Variants in PLSCR2 observed in about 807,000 individuals in gnomAD.
PLSCR2 encodes phospholipid scramblase 2, also known as PL scramblase 2.
PLSCR2 carries 18 observed loss-of-function variants against 25.3 expected under a neutral mutation model. That is an observed-to-expected ratio of 0.71 (90% CI 0.49 to 1.06). The LOEUF (loss-of-function observed/expected upper bound fraction) is 1.06, where lower values mean the gene tolerates loss of function less well. PLSCR2 is among the 50% of genes least tolerant of loss of function. The pLI, the probability that PLSCR2 is intolerant of heterozygous loss-of-function variation, is 0.00. For missense variants in PLSCR2, 243 were observed against 269.5 expected (o/e 0.90, Z 0.69); for synonymous variants, 88 against 87.3 (o/e 1.01, Z -0.04).
chr3:146,477,146 G>T (rs1026223544), intron 1 of PLSCR2, among the ~76,000 whole-genome samples: 1 of 152,184 alleles, frequency 6.6e-6, no homozygotes, highest in Non-Finnish European at 1.5e-5. Flanking sequence ...AACAGCTCTG[G>T]TCTGCAGCTC....
At chr3:146,468,910 A>G (rs1202523731) in intron 1 of PLSCR2, among the ~76,000 whole-genome samples, 1 of 152,230 alleles carries the variant, frequency 6.6e-6, no homozygotes, top group African/African-American at 2.4e-5. Flanking sequence ...GAGGCAATGG[A>G]AAGAACATAT....
intron 3 of PLSCR2, among the ~76,000 whole-genome samples, chr3:146,393,897 T>C (rs12497907): frequency 0.49 from 74,276 of 150,764 alleles, 19,036 homozygotes; most frequent in South Asian, 0.7. Context: ...TAATGTTCTG[T>C]CTCTTATATC....
At chr3:146,395,825 T>C (rs560107872) in exon 3 of PLSCR2, 117 of 177,870 alleles carry the variant, frequency 6.6e-4, no homozygotes, top group Non-Finnish European at 1.2e-3. Flanking sequence ...GGAAACTGGA[T>C]CCCAAATTTC....
At chr3:146,402,926 T>C (rs1471702187) in intron 2 of PLSCR2, among the ~76,000 whole-genome samples, 2 of 152,206 alleles carry the variant, frequency 1.3e-5, no homozygotes, top group Non-Finnish European at 2.9e-5. Flanking sequence ...CTAATCGTGA[T>C]TCATAACTCA....
At chr3:146,427,309 A>G (rs2039391310) in intron 2 of PLSCR2, among the ~76,000 whole-genome samples, 1 of 152,196 alleles carries the variant, frequency 6.6e-6, no homozygotes, top group South Asian at 2.1e-4. Flanking sequence ...GCTAAAGAAA[A>G]AGGTACAATT....
intron 1 of PLSCR2, among the ~76,000 whole-genome samples, chr3:146,468,881 C>G (rs1045782700): frequency 2.0e-5 from 3 of 152,192 alleles, no homozygotes; most frequent in Non-Finnish European, 4.4e-5. Flanking sequence ...TCATTTAATA[C>G]TTACACAATT....
chr3:146,481,437 TAACA>T (rs1174390204), intron 1 of PLSCR2, among the ~76,000 whole-genome samples: 1 of 150,924 alleles, frequency 6.6e-6, no homozygotes, highest in Non-Finnish European at 1.5e-5. Flanking sequence ...TATACACCAA[TAACA>T]AACAGACAGC....
At chr3:146,447,965 A>G (rs1336088851) in intron 6 of PLSCR2, among the ~76,000 whole-genome samples, 2 of 152,174 alleles carry the variant, frequency 1.3e-5, no homozygotes, top group African/African-American at 4.8e-5. Flanking sequence ...ACAGGGAAGC[A>G]CAGAGTTCCA....
downstream of PLSCR2, among the ~76,000 whole-genome samples, chr3:146,430,956 C>T (rs116553931): frequency 0.022 from 3,417 of 152,274 alleles, 50 homozygotes; most frequent in Middle Eastern, 0.044. Flanking sequence ...TACCTACTGA[C>T]CTTCCATGCA....
chr3:146,404,226 T>C (rs1433138489), intron 2 of PLSCR2, among the ~76,000 whole-genome samples: 1 of 152,216 alleles, frequency 6.6e-6, no homozygotes, highest in Non-Finnish European at 1.5e-5. Flanking sequence ...CTTGCCTTGC[T>C]GAGAATTAAA....
chr3:146,408,756 G>A (rs941353498), intron 2 of PLSCR2, among the ~76,000 whole-genome samples: 3 of 152,000 alleles, frequency 2.0e-5, no homozygotes, highest in South Asian at 2.1e-4. Flanking sequence ...GTGACTCATC[G>A]GGCCCTTGGA....
At chr3:146,477,455 C>T (rs2042328681) in intron 1 of PLSCR2, among the ~76,000 whole-genome samples, 1 of 152,212 alleles carries the variant, frequency 6.6e-6, no homozygotes, top group Non-Finnish European at 1.5e-5. Context: ...CTCGGCACGT[C>T]CCACACCCAT....
intron 8 of PLSCR2, among the ~76,000 whole-genome samples, chr3:146,436,144 G>A (rs1458100624): frequency 6.6e-6 from 1 of 152,166 alleles, no homozygotes; most frequent in African/African-American, 2.4e-5. Context: ...CTCTGTTTTG[G>A]TACCAGTACC....
chr3:146,441,683 A>T, downstream of PLSCR2: 2 of 724,916 alleles, frequency 2.8e-6, no homozygotes, highest in South Asian at 3.5e-5. Context: ...TAAATAAAGA[A>T]AAGAAAAAAA....
At chr3:146,483,500 TATATATATA>T in intron 1 of PLSCR2, among the ~76,000 whole-genome samples, 9 of 119,506 alleles carry the variant, frequency 7.5e-5, no homozygotes, top group South Asian at 2.8e-4. Flanking sequence ...TATATATATA[TATATATATA>T]ATGTTACTAC....
At chr3:146,477,778 C>T (rs532283855) in intron 1 of PLSCR2, among the ~76,000 whole-genome samples, 3 of 152,344 alleles carry the variant, frequency 2.0e-5, no homozygotes, top group Non-Finnish European at 4.4e-5. Flanking sequence ...CAGACTGCCT[C>T]TTCAAGTGAG....
In PLSCR2 at chr3:146,489,640, C is replaced by T. The variant is rs555468086; in HGVS notation, c.-293+6255G>A. 2.0e-4 allele frequency among the ~76,000 whole-genome samples: 31 copies of T among 152,144 alleles called. No homozygotes were observed. The Middle Eastern group carries it at 0.01, about 50-fold the overall frequency. On this transcript the variant is annotated intron_variant, in intron 1 of 8. Transcript: ENST00000336685. The stretch of plus-strand genomic sequence containing the variant: ...GTATTGTCTTTCATTTCTGGAGGTC[C>T]GAAGTCTTAAATGATTCCTCACAGT...
At chr3:146,404,201 T>C (rs2038573397) in intron 2 of PLSCR2, among the ~76,000 whole-genome samples, 1 of 152,184 alleles carries the variant, frequency 6.6e-6, no homozygotes, top group Non-Finnish European at 1.5e-5. Context: ...TGCACCCTTC[T>C]CTATATAGAA....
chr3:146,469,054 A>AGAGG, intron 1 of PLSCR2: 1 of 856,020 alleles, frequency 1.2e-6, no homozygotes, highest in South Asian at 5.4e-5. Context: ...CTGGTATTGT[A>AGAGG]GAGGGCCTAG....
Sources: allele counts gnomAD v4.1 joint callset (sites outside exome capture counted in the v4.1 genomes callset), GRCh38; gene constraint gnomAD v4.1.1; transcripts MANE v1.5; gene names NCBI Gene and HGNC (gene_info 2026-07-23, HGNC 2026-07-21).